PLCB1: variants seen among roughly 807,000 people sequenced by gnomAD.
PLCB1 encodes phospholipase C beta 1.
In PLCB1, 46 loss-of-function variants were observed where a neutral mutation model predicts 161.8. The observed-to-expected ratio is 0.28, with a 90% CI of 0.22 to 0.36. The LOEUF (loss-of-function observed/expected upper bound fraction) is 0.36, where lower values mean the gene tolerates loss of function less well. Ranked by LOEUF, PLCB1 falls within the 10% of genes least tolerant of loss-of-function variation. The probability of loss-of-function intolerance (pLI) is 1.00; values close to 1 mark genes in which losing one functional copy is unlikely to be tolerated. For missense variants in PLCB1, 1,016 were observed against 1,472.5 expected, an observed-to-expected ratio of 0.69 and a Z score of 5.07; for synonymous variants, 517 against 503.7, an observed-to-expected ratio of 1.03 and a Z score of -0.35.
intron 2 of PLCB1, among the ~76,000 whole-genome samples, chr20:8,217,135 A>G (rs1237253355): frequency 1.3e-5 from 2 of 152,094 alleles, no homozygotes; most frequent in East Asian, 3.9e-4. Flanking sequence ...TTCCCCAGTT[A>G]TTCCTTATTC....
At chr20:8,664,417 A>C (rs1989759264) in intron 9 of PLCB1, among the ~76,000 whole-genome samples, 1 of 152,068 alleles carries the variant, frequency 6.6e-6, no homozygotes, top group Admixed American at 6.6e-5. Flanking sequence ...CTTTAAATAG[A>C]CCTAAGCCAA....
chr20:8,482,383 T>A (rs1223154025), intron 3 of PLCB1, among the ~76,000 whole-genome samples: 1 of 152,170 alleles, frequency 6.6e-6, no homozygotes, highest in Non-Finnish European at 1.5e-5. Flanking sequence ...ATTATAGGTG[T>A]GAGCCACCGT....
At chr20:8,367,980 C>A (rs1315068670) in intron 2 of PLCB1, among the ~76,000 whole-genome samples, 2 of 152,132 alleles carry the variant, frequency 1.3e-5, no homozygotes, top group African/African-American at 4.8e-5. Context: ...GTCTTCCCCA[C>A]GCCACATTAC....
At chr20:8,257,267 A>G (rs1018787124) in intron 2 of PLCB1, among the ~76,000 whole-genome samples, 2 of 152,166 alleles carry the variant, frequency 1.3e-5, no homozygotes, top group African/African-American at 4.8e-5. Context: ...CCAAGTCTAG[A>G]AAAATCAGGT....
At chr20:8,531,633 T>C (rs1012845883) in intron 3 of PLCB1, among the ~76,000 whole-genome samples, 8 of 152,114 alleles carry the variant, frequency 5.3e-5, no homozygotes, top group African/African-American at 1.9e-4. Context: ...GCAATGCTTC[T>C]CCTATCTCTG....
At chr20:8,677,961 G>C (rs751440874) in intron 9 of PLCB1, among the ~76,000 whole-genome samples, 2 of 152,176 alleles carry the variant, frequency 1.3e-5, no homozygotes, top group Non-Finnish European at 2.9e-5. Flanking sequence ...CAGAATAGAA[G>C]TGAAGAAAAC....
At chr20:8,563,106 T>C (rs1231132433) in intron 3 of PLCB1, among the ~76,000 whole-genome samples, 1 of 152,070 alleles carries the variant, frequency 6.6e-6, no homozygotes, top group Non-Finnish European at 1.5e-5. Flanking sequence ...GATAAATCAC[T>C]GGGTAATAAA....
intron 3 of PLCB1, among the ~76,000 whole-genome samples, chr20:8,613,770 T>C (rs1209170295): frequency 2.0e-5 from 3 of 152,122 alleles, no homozygotes; most frequent in Admixed American, 6.5e-5. Context: ...AATAAATTCC[T>C]GTAAATTGAA....
intron 9 of PLCB1, among the ~76,000 whole-genome samples, chr20:8,672,587 C>T (rs1349595574): frequency 6.6e-6 from 1 of 152,074 alleles, no homozygotes; most frequent in Non-Finnish European, 1.5e-5. Flanking sequence ...TCCAGATATG[C>T]ATACCGAGCA....
intron 27 of PLCB1, among the ~76,000 whole-genome samples, chr20:8,786,449 A>G (rs918373299): frequency 2.6e-5 from 4 of 152,158 alleles, no homozygotes; most frequent in African/African-American, 4.8e-5. Context: ...CACTTCACAG[A>G]TGAATGCATC....
chr20:8,741,062 G>A (rs937491866), intron 22 of PLCB1, among the ~76,000 whole-genome samples: 2 of 152,188 alleles, frequency 1.3e-5, no homozygotes, highest in African/African-American at 2.4e-5. Context: ...TTTATGAAAC[G>A]TCATTTGGGC....
In PLCB1 at chr20:8,729,050, A is replaced by T. The variant is rs1334933670; in HGVS notation, c.1764A>T (p.Glu588Asp). The T allele has an allele frequency of 6.2e-7, 1 of 1,605,290 alleles. No homozygotes were observed. Among genetic ancestry groups the T allele is most frequent in the Admixed American group, 1.7e-5 (1 of 59,280 alleles). Residue 588 changes from glutamate (E) to aspartate (D), a missense_variant and splice_region_variant, in exon 18 of 32, where the codon GAA becomes GAT. By Grantham distance (45) the Glu-to-Asp change is conservative (BLOSUM62 2). Transcript: ENST00000338037. ...TTCACTACTTAACATGATGGTCCAG[A>T]TATAACAAAATGCAGCTTAGCAGGA... is the stretch of plus-strand genomic sequence containing the variant. ...QLTKSPVEFV[E>D]YNKMQLSRIY...
chr20:8,351,587 A>T (rs1986179194), intron 2 of PLCB1, among the ~76,000 whole-genome samples: 1 of 152,062 alleles, frequency 6.6e-6, no homozygotes, highest in Admixed American at 6.5e-5. Context: ...TGGAAATCAC[A>T]TTGTGATAAA....
intron 23 of PLCB1, among the ~76,000 whole-genome samples, chr20:8,746,064 C>T (rs541071710): frequency 6.6e-6 from 1 of 152,136 alleles, no homozygotes; most frequent in Middle Eastern, 3.4e-3. Flanking sequence ...CCCAAGTAGC[C>T]GGGACTACAG....
chr20:8,863,621 G>A (rs551675631), intron 31 of PLCB1, among the ~76,000 whole-genome samples: 73 of 152,346 alleles, frequency 4.8e-4, no homozygotes, highest in South Asian at 3.3e-3. Context: ...GGGAGCTTCT[G>A]CTCTGTATAA....
At chr20:8,639,477 G>C (rs993773111) in intron 4 of PLCB1, among the ~76,000 whole-genome samples, 1 of 152,144 alleles carries the variant, frequency 6.6e-6, no homozygotes, top group Non-Finnish European at 1.5e-5. Flanking sequence ...CTCATAGATC[G>C]AGATGCCTCT....
intron 2 of PLCB1, among the ~76,000 whole-genome samples, chr20:8,230,888 T>C (rs1466995788): frequency 1.3e-5 from 2 of 152,100 alleles, no homozygotes; most frequent in Admixed American, 6.6e-5. Flanking sequence ...CCTGCCTACC[T>C]CTCAAGCCCC....
chr20:8,710,946 C>T (rs1470591236), intron 12 of PLCB1, among the ~76,000 whole-genome samples: 3 of 152,148 alleles, frequency 2.0e-5, no homozygotes, highest in Non-Finnish European at 4.4e-5. Context: ...AATAGCTAAC[C>T]TTTATTAATA....
Position 8,487,662 on chromosome 20 carries a change from T to A in PLCB1, c.246+116212T>A, listed in dbSNP as rs1309747419. 2.0e-5 allele frequency among the ~76,000 whole-genome samples: 3 copies of A among 152,164 alleles called. No homozygotes were observed. In the East Asian group the frequency reaches 5.8e-4, roughly 29 times the overall value. On this transcript the variant is annotated intron_variant, in intron 3 of 31. Coordinates refer to ENST00000338037, the MANE Select transcript of PLCB1 (RefSeq NM_015192.4). The stretch of plus-strand genomic sequence containing the variant: ...CAGAGAGGGTGGGGATATGTGAAAC[T>A]TCTCAGTCTGATCTGTTCTTCAGCT...
Sources: allele counts gnomAD v4.1 joint callset (sites outside exome capture counted in the v4.1 genomes callset), GRCh38; gene constraint gnomAD v4.1.1; transcripts MANE v1.5; gene names NCBI Gene and HGNC (gene_info 2026-07-23, HGNC 2026-07-21).